Variants in HOXB3 observed in about 807,000 individuals in gnomAD.
HOXB3 encodes homeobox B3.
In HOXB3, 17 loss-of-function variants were observed where a neutral mutation model predicts 29.2. The observed-to-expected ratio is 0.58, with a 90% CI of 0.40 to 0.87. The LOEUF (loss-of-function observed/expected upper bound fraction) is 0.87, where lower values mean the gene tolerates loss of function less well. Among genes scored for constraint, HOXB3 ranks in the 40% least tolerant of loss-of-function variants. The pLI, the probability that HOXB3 is intolerant of heterozygous loss-of-function variation, is 0.00. For synonymous variants in HOXB3, 317 were observed against 285.9 expected (o/e 1.11, Z -1.10); for missense variants, 637 against 616.3 (o/e 1.03, Z -0.35).
Position 48,551,138 on chromosome 17 carries a change from G to T in HOXB3, c.492C>A (p.Gly164=). 7.6e-7 allele frequency: 1 copy of T among 1,316,460 alleles called. No individual in the cohort carries two copies. The highest frequency in any genetic ancestry group is 9.7e-7 in the Non-Finnish European group (1 of 1,034,914). The allele number at this position is 1,316,460 out of a possible 1,614,324, so 81.5% of individuals were successfully genotyped here. A position where few individuals can be genotyped will look rare whatever the true frequency, so the allele number is the denominator to read the frequency against. ...CGCCACCGCCCCCGCTGCCACCACT[G>T]CCTCCGCCGCCGCCGCCACCGCCGC... ...GGGGGGGGGG[G]SGGSGGGGGG... is the part of the protein sequence containing the mutation. Residue 164 remains glycine, a synonymous_variant, in exon 5 of 5, where the codon GGC becomes GGA. Transcript: ENST00000498678.
intron 3 of HOXB3, among the ~76,000 whole-genome samples, chr17:48,555,172 A>C (rs2144762729): frequency 6.6e-6 from 1 of 152,192 alleles, no homozygotes; most frequent in East Asian, 1.9e-4. Context: ...AGGACTTAAA[A>C]AAATTAATGG....
At chr17:48,565,455 G>C (rs534496801) in intron 2 of HOXB3, among the ~76,000 whole-genome samples, 1 of 152,238 alleles carries the variant, frequency 6.6e-6, no homozygotes, top group South Asian at 2.1e-4. Context: ...GCTCCCCAAA[G>C]GGTTTGGGCT....
At chr17:48,589,743 C>T (rs141927242) in intron 1 of HOXB3, among the ~76,000 whole-genome samples, 8 of 152,252 alleles carry the variant, frequency 5.3e-5, no homozygotes, top group Admixed American at 2.0e-4. Flanking sequence ...AGTTTCTTTC[C>T]GGAGGATGGG....
At chr17:48,573,813 C>CAGCCCG (rs2069666326) in intron 2 of HOXB3, 24 bp downstream of exon 2, 1 of 701,334 alleles carries the variant, frequency 1.4e-6, no homozygotes. Context: ...CAAAACACGC[C>CAGCCCG]AGCCCGGGCC....
chr17:48,568,456 C>A (rs1009785925), intron 2 of HOXB3, among the ~76,000 whole-genome samples: 1 of 152,178 alleles, frequency 6.6e-6, no homozygotes, highest in African/African-American at 2.4e-5. Context: ...TACTGTAAAT[C>A]GTCTGAAATA....
At chr17:48,575,128 G>A (rs1353134824) in intron 1 of HOXB3, 1 of 152,218 alleles carries the variant, frequency 6.6e-6, no homozygotes, top group Non-Finnish European at 1.5e-5. Context: ...TCTAAAAGGA[G>A]ACAGCTTAAC....
intron 2 of HOXB3, among the ~76,000 whole-genome samples, chr17:48,558,088 C>T (rs1323041508): frequency 6.6e-6 from 1 of 152,120 alleles, no homozygotes; most frequent in African/African-American, 2.4e-5. Flanking sequence ...CTCTGCTGTC[C>T]TAGCTGTTAC....
At chr17:48,569,258 A>T (rs111396430) in intron 2 of HOXB3, among the ~76,000 whole-genome samples, 66 of 152,220 alleles carry the variant, frequency 4.3e-4, no homozygotes, top group Non-Finnish European at 8.1e-4. Flanking sequence ...TCAAAGGACC[A>T]CTATGACCTT....
intron 1 of HOXB3, among the ~76,000 whole-genome samples, chr17:48,577,612 G>T (rs548663458): frequency 3.0e-4 from 46 of 152,206 alleles, no homozygotes; most frequent in Non-Finnish European, 5.7e-4. Context: ...TGGCGAAAAA[G>T]TCGCTGGTGA....
intron 1 of HOXB3, chr17:48,578,257 C>T: frequency 6.2e-7 from 1 of 1,614,052 alleles, no homozygotes; most frequent in South Asian, 1.1e-5. Context: ...GTGAATATTC[C>T]TCGCATGGAG....
intron 1 of HOXB3, chr17:48,581,508 T>C (rs1444191553): frequency 6.6e-6 from 1 of 152,196 alleles, no homozygotes; most frequent in Admixed American, 6.5e-5. Flanking sequence ...AATCTTGTCA[T>C]AGGCCACTTA....
chr17:48,573,711 C>T, intron 2 of HOXB3, 126 bp downstream of exon 2: 1 of 624,896 alleles, frequency 1.6e-6, no homozygotes. Context: ...AAGCATCCAC[C>T]ATAAAAACCC....
Position 48,552,147 on chromosome 17 carries a change from T to C in HOXB3, c.328A>G (p.Ser110Gly). 1.2e-6 allele frequency: 2 copies of C among 1,613,936 alleles called. No homozygotes were observed. The highest frequency in any genetic ancestry group is 1.7e-6 in the Non-Finnish European group (2 of 1,179,900). The change falls in exon 4 of 5, where the codon AGC becomes GGC. Residue 110 changes from serine (S) to glycine (G), a missense_variant. Transcript: ENST00000498678. Reference protein sequence around the residue: ...TSNSSNGGGPSKSGPPKCGPG... With the variant: ...TSNSSNGGGPGKSGPPKCGPG... The stretch of plus-strand genomic sequence containing the variant: ...CCGCACTTTGGGGGACCACTTTTGC[T>C]GGGCCCGCCCCCATTACTGCTGTTG...
At chr17:48,562,256 T>A (rs1042808039) in intron 2 of HOXB3, among the ~76,000 whole-genome samples, 2 of 152,156 alleles carry the variant, frequency 1.3e-5, no homozygotes, top group African/African-American at 4.8e-5. Context: ...ATGCACCCAT[T>A]GTACCAGCCG....
At chr17:48,560,285 A>G (rs965749147) in intron 2 of HOXB3, 3 of 152,298 alleles carry the variant, frequency 2.0e-5, no homozygotes, top group African/African-American at 7.2e-5. Flanking sequence ...TTTAGCAGAC[A>G]ATAACTCAGT....
rs1567944545 is a variant in HOXB3 at position 48,551,192 on chromosome 17, G to A, written c.449-11C>T. On this transcript the variant is annotated splice_polypyrimidine_tract_variant and intron_variant, in intron 4 of 4. Coordinates refer to ENST00000498678, the MANE Select transcript of HOXB3 (RefSeq NM_001384749.1). ...CACCACAGCCCTCTGCTGGATCCGAGGGGGAGGGGTGGGAAGGGGAGAAAA... is the reference window on the plus strand; with the variant it reads ...CACCACAGCCCTCTGCTGGATCCGAAGGGGAGGGGTGGGAAGGGGAGAAAA... 7.9e-7 allele frequency: 1 copy of A among 1,271,734 alleles called. No homozygotes were observed. Among genetic ancestry groups the A allele is most frequent in the East Asian group, 3.1e-5 (1 of 32,764 alleles). The allele number at this position is 1,271,734 out of a possible 1,614,324, so 78.8% of individuals were successfully genotyped here.
intron 3 of HOXB3, chr17:48,553,729 C>CCTTT (rs1383866353): frequency 6.6e-6 from 1 of 151,594 alleles, no homozygotes; most frequent in African/African-American, 2.4e-5. Context: ...TATTTTAATA[C>CCTTT]AGCCTTTTAA....
intron 2 of HOXB3, among the ~76,000 whole-genome samples, chr17:48,566,738 A>G (rs543770819): frequency 6.6e-6 from 1 of 152,278 alleles, no homozygotes; most frequent in African/African-American, 2.4e-5. Context: ...TCCCCATGGA[A>G]GAAGTGATCC....
At chr17:48,589,674 T>C (rs2070112002) in intron 1 of HOXB3, among the ~76,000 whole-genome samples, 1 of 152,082 alleles carries the variant, frequency 6.6e-6, no homozygotes, top group Non-Finnish European at 1.5e-5. Context: ...CTCAGATGTA[T>C]CCAGATAAAA....
Sources: allele counts gnomAD v4.1 joint callset (sites outside exome capture counted in the v4.1 genomes callset), GRCh38; gene constraint gnomAD v4.1.1; transcripts MANE v1.5; gene names NCBI Gene and HGNC (gene_info 2026-07-23, HGNC 2026-07-21).